Variants in UBA5 observed in about 807,000 individuals in gnomAD.
The protein encoded by UBA5 is ubiquitin-like modifier-activating enzyme 5.
In UBA5, 28 loss-of-function variants were observed where a neutral mutation model predicts 52.9. That is an observed-to-expected ratio of 0.53 (90% CI 0.39 to 0.73). The LOEUF (loss-of-function observed/expected upper bound fraction) is 0.73, where lower values mean the gene tolerates loss of function less well. UBA5 is among the 30% of genes least tolerant of loss of function. The pLI is 0.00. For missense variants in UBA5, 388 were observed against 492.7 expected, an observed-to-expected ratio of 0.79 and a Z score of 2.01; for synonymous variants, 135 against 162.1, an observed-to-expected ratio of 0.83 and a Z score of 1.27.
upstream of UBA5, among the ~76,000 whole-genome samples, chr3:132,657,903 C>T (rs1937898222): frequency 1.4e-5 from 2 of 144,506 alleles, no homozygotes; most frequent in Non-Finnish European, 3.0e-5. Context: ...CACTCTGTCA[C>T]CTAGGCTGGA....
chr3:132,661,496 TA>T (rs1347543190), intron 1 of UBA5, among the ~76,000 whole-genome samples: 2 of 152,222 alleles, frequency 1.3e-5, no homozygotes, highest in Non-Finnish European at 2.9e-5. Flanking sequence ...TAGGTGCATT[TA>T]GTAGCAAGCA....
chr3:132,670,970 G>A lies in UBA5; in HGVS notation c.500G>A (p.Gly167Asp). ...AACTTATTTTCTTTGACTAGTAATG[G>A]TGGGTTAGAAGAAGGAAAACCTGTT... ...FQHFMDRISN[G>D]GLEEGKPVDL... Residue 167 changes from glycine to aspartate, a missense_variant, in exon 6 of 12, where the codon GGT becomes GAT. By Grantham distance (94) the Gly-to-Asp change is moderately conservative. Transcript: ENST00000356232. 1 of 1,612,982 alleles carries A rather than the reference G, an allele frequency of 6.2e-7. No homozygotes were observed. The highest frequency in any genetic ancestry group is 8.5e-7 in the Non-Finnish European group (1 of 1,179,228).
chr3:132,659,930 G>A (rs1407042137), upstream of UBA5: 9 of 669,386 alleles, frequency 1.3e-5, no homozygotes, highest in Non-Finnish European at 2.1e-5. Context: ...TGAATCCCGA[G>A]GTTTTAGCTC....
Position 132,671,778 on chromosome 3 carries a change from C to T in UBA5, c.581C>T (p.Ala194Val), listed in dbSNP as rs1006380165. 1.9e-6 allele frequency: 3 copies of T among 1,609,692 alleles called. No individual in the cohort carries two copies. Among genetic ancestry groups the T allele is most frequent in the African/African-American group, 2.7e-5 (2 of 74,702 alleles). ...NFEARMTINTACNELGQTWME... is the reference protein window; with the variant it reads ...NFEARMTINTVCNELGQTWME... Reference sequence around the variant, plus strand: ...ATGTTTTCACCCATTTCTACTAAGGCTTGTAATGAACTTGGACAAACATGG... The same window carrying T: ...ATGTTTTCACCCATTTCTACTAAGGTTTGTAATGAACTTGGACAAACATGG... Residue 194 changes from alanine (A) to valine (V), a missense_variant and splice_region_variant, in exon 7 of 12, where the codon GCT becomes GTT. This residue lies in a region of UBA5 where 277 missense variants were observed against 326.4 expected (regional missense o/e 0.85). Transcript: ENST00000356232.
chr3:132,660,770 C>T lies in UBA5; in HGVS notation c.161+72C>T. On this transcript the variant is annotated intron_variant, in intron 1 of 11. Transcript: ENST00000356232. This position sits in a 1 kb window ranked among gnomAD's most constrained non-coding sequence, Gnocchi z 4.1. ...GCTCCGTGAGGTCAGAAGTGAGGCGCTTCCCACGTCCCGCTCATGGGGACG... is the reference window on the plus strand; with the variant it reads ...GCTCCGTGAGGTCAGAAGTGAGGCGTTTCCCACGTCCCGCTCATGGGGACG... 1 of 1,456,390 alleles carries T rather than the reference C, an allele frequency of 6.9e-7. No individual in the cohort carries two copies. The highest frequency in any genetic ancestry group is 9.1e-7 in the Non-Finnish European group (1 of 1,101,380). 90.2% of individuals were successfully genotyped at this position (1,456,390 alleles called of 1,614,324 possible). A position where few individuals can be genotyped will look rare whatever the true frequency, so the allele number is the denominator to read the frequency against.
Position 132,677,438 on chromosome 3 carries a change from T to C in UBA5, c.*912T>C, listed in dbSNP as rs1262419871. 6.6e-6 allele frequency: 1 copy of C among 152,444 alleles called. No individual in the cohort carries two copies. Among genetic ancestry groups the C allele is most frequent in the Non-Finnish European group, 1.5e-5 (1 of 68,206 alleles). 9.4% of individuals were successfully genotyped at this position (152,444 alleles called of 1,614,324 possible). A position where few individuals can be genotyped will look rare whatever the true frequency, so the allele number is the denominator to read the frequency against. On this transcript the variant is annotated 3_prime_UTR_variant, in exon 12 of 12. Transcript: ENST00000356232. ...TATATTAGGAATAAAGGAAAAGTTC[T>C]AAACTGCCTCTGCAATGACTTGTAG...
intron 4 of UBA5, among the ~76,000 whole-genome samples, chr3:132,669,526 C>A (rs1432288398): frequency 6.6e-6 from 1 of 152,160 alleles, no homozygotes; most frequent in East Asian, 1.9e-4. Flanking sequence ...ACCTAGCCCT[C>A]CCAAAGTGCT....
intron 1 of UBA5, among the ~76,000 whole-genome samples, chr3:132,654,972 G>T (rs1195008555): frequency 6.6e-6 from 1 of 152,236 alleles, no homozygotes; most frequent in Non-Finnish European, 1.5e-5. Context: ...TGTGCAGCAT[G>T]TGACTGTACT....
In UBA5 at chr3:132,676,399, C is replaced by G. The variant is rs757180098; in HGVS notation, c.1132-44C>G. 1 of 1,485,250 alleles carries G rather than the reference C, an allele frequency of 6.7e-7. No homozygotes were observed. Among genetic ancestry groups the G allele is most frequent in the Non-Finnish European group, 9.3e-7 (1 of 1,072,642 alleles). The allele number at this position is 1,485,250 out of a possible 1,614,324, so 92.0% of individuals were successfully genotyped here. The stretch of plus-strand genomic sequence containing the variant: ...TATATATTCCTAAGCATCAAGAATT[C>G]TATATGGTTCTTTTTTCACTGTATT... On this transcript the variant is annotated intron_variant, in intron 11 of 11. Transcript: ENST00000356232. This position sits in a 1 kb window ranked among gnomAD's most constrained non-coding sequence, Gnocchi z 4.1.
chr3:132,664,939 A>G (rs1018594472), intron 1 of UBA5, among the ~76,000 whole-genome samples: 2 of 152,146 alleles, frequency 1.3e-5, no homozygotes, highest in African/African-American at 4.8e-5. Flanking sequence ...GTGAAAATAC[A>G]TAGGAAATTA....
In UBA5 at chr3:132,677,494, A is replaced by G. The variant is rs879153518; in HGVS notation, c.*968A>G. ...GGAAGAGTATCACTTTCCCCTGATC[A>G]TGACCACTAAACTGTAAATTGATAT... On this transcript the variant is annotated 3_prime_UTR_variant, in exon 12 of 12. Coordinates refer to ENST00000356232, the MANE Select transcript of UBA5 (RefSeq NM_024818.6). 3 of 152,218 alleles carry G rather than the reference A, an allele frequency of 2.0e-5. No individual in the cohort carries two copies. The highest frequency in any genetic ancestry group is 4.4e-5 in the Non-Finnish European group (3 of 68,020). The allele number at this position is 152,218 out of a possible 1,614,324, so 9.4% of individuals were successfully genotyped here. A position where few individuals can be genotyped will look rare whatever the true frequency, so the allele number is the denominator to read the frequency against.
chr3:132,670,165 C>T (rs2107939720), intron 4 of UBA5, 33 bp from the exon 5 acceptor site: 1 of 1,050,312 alleles, frequency 9.5e-7, no homozygotes, highest in Non-Finnish European at 1.5e-6. Flanking sequence ...GCTAGGATTA[C>T]AGGCTTATAA....
At chr3:132,671,088 ATC>A in intron 6 of UBA5, 39 bp downstream of exon 6, 1 of 1,548,588 alleles carries the variant, frequency 6.5e-7, no homozygotes, top group Non-Finnish European at 8.9e-7. Flanking sequence ...TCATGGATTT[ATC>A]TGTTTTCCTG....
Position 132,678,530 on chromosome 3 carries a change from A to C in UBA5, c.*2004A>C, listed in dbSNP as rs79684191. 6.2e-4 allele frequency among the ~76,000 whole-genome samples: 95 copies of C among 152,338 alleles called. No individual in the cohort carries two copies. In the East Asian group the frequency reaches 0.014, roughly 22 times the overall value. On this transcript the variant is annotated 3_prime_UTR_variant, in exon 12 of 12. Transcript: ENST00000356232. ...TCTTATTGTTAATGGGAAGTTAGTT[A>C]TGGTTCTACTTAAATGTTGTAGAGA...
chr3:132,657,917 T>C (rs1219963362), upstream of UBA5, among the ~76,000 whole-genome samples: 2 of 146,536 alleles, frequency 1.4e-5, no homozygotes, highest in Non-Finnish European at 3.0e-5. Flanking sequence ...GGCTGGAGCA[T>C]GGTGGTGCAA....
At chr3:132,657,584 T>G (rs1937875239), upstream of UBA5, among the ~76,000 whole-genome samples, 1 of 152,228 alleles carries the variant, frequency 6.6e-6, no homozygotes. Flanking sequence ...TTTAAAATTC[T>G]TTTTAAGGTC....
chr3:132,670,105 G>C (rs1222309551), intron 4 of UBA5, 93 bp from the exon 5 acceptor site: 1 of 661,096 alleles, frequency 1.5e-6, no homozygotes, highest in Non-Finnish European at 2.7e-6. Flanking sequence ...GCTCGCTGTA[G>C]CCTTGAACTC....
At chr3:132,660,316 C>A, upstream of UBA5, 1 of 610,114 alleles carries the variant, frequency 1.6e-6, no homozygotes, top group South Asian at 2.0e-5. This position sits in a 1 kb window ranked among gnomAD's most constrained non-coding sequence, Gnocchi z 4.1. Flanking sequence ...TGAGGGGGAG[C>A]GATGTCTGCG....
rs148784405 is a variant in UBA5, at chr3:132,663,262, A to G, written c.162-2561A>G. Among the ~76,000 whole-genome samples, 183 of 152,286 alleles carry G rather than the reference A, an allele frequency of 1.2e-3. 1 individual carries two copies. Among genetic ancestry groups the G allele is most frequent in the African/African-American group, 3.8e-3 (157 of 41,570 alleles). ...AAAACTTTCAGTTGAAAATCTGTTG[A>G]AGAAACAAAAGCCCCAGATCCCCTA... On this transcript the variant is annotated intron_variant, in intron 1 of 11. Coordinates refer to ENST00000356232, the MANE Select transcript of UBA5 (RefSeq NM_024818.6).
Sources: gnomAD v4.1 joint callset for allele counts (sites outside exome capture counted in the v4.1 genomes callset) on GRCh38, gnomAD v4.1.1 for gene constraint, gnomAD v4.1.1 regional missense constraint, Gnocchi (gnomAD v3.1) non-coding constraint, MANE v1.5 for transcripts, NCBI Gene and HGNC (gene_info 2026-07-23, HGNC 2026-07-21) for gene names.